Variants in EDIL3 observed in about 807,000 individuals in gnomAD.
EDIL3 encodes the protein EGF-like repeat and discoidin I-like domain-containing protein 3.
A neutral mutation model predicts 67.4 loss-of-function variants in EDIL3; 37 were observed. That is an observed-to-expected ratio of 0.55 (90% CI 0.42 to 0.72). The LOEUF (loss-of-function observed/expected upper bound fraction) is 0.72, where lower values mean the gene tolerates loss of function less well. Among genes scored for constraint, EDIL3 ranks in the 30% least tolerant of loss-of-function variants. The pLI, the probability that EDIL3 is intolerant of heterozygous loss-of-function variation, is 0.00. For synonymous variants in EDIL3, 195 were observed against 196.3 expected (o/e 0.99, Z 0.05); for missense variants, 527 against 586.3 (o/e 0.90, Z 1.04).
intron 1 of EDIL3, among the ~76,000 whole-genome samples, chr5:84,306,824 G>C (rs1222322398): frequency 6.6e-6 from 1 of 152,174 alleles, no homozygotes. Context: ...GATTATGCTT[G>C]TGCACTGGCT....
At chr5:84,075,131 T>C (rs910959542) in intron 6 of EDIL3, among the ~76,000 whole-genome samples, 3 of 150,526 alleles carry the variant, frequency 2.0e-5, no homozygotes, top group Admixed American at 6.6e-5. Flanking sequence ...TTCTCACTCA[T>C]AGGTGGGAAT....
chr5:84,094,058 A>G (rs1747216967), intron 6 of EDIL3, among the ~76,000 whole-genome samples: 1 of 152,234 alleles, frequency 6.6e-6, no homozygotes, highest in Non-Finnish European at 1.5e-5. Context: ...TTTTAGAGAA[A>G]AAAGGCAAGC....
At chr5:83,965,101 A>T (rs1234387362) in intron 9 of EDIL3, among the ~76,000 whole-genome samples, 2 of 152,088 alleles carry the variant, frequency 1.3e-5, no homozygotes, top group Non-Finnish European at 2.9e-5. Context: ...GGTGCACCAT[A>T]GAGATTCTTA....
chr5:84,197,074 T>C (rs1413145179), intron 3 of EDIL3: 1 of 152,062 alleles, frequency 6.6e-6, no homozygotes, highest in African/African-American at 2.4e-5. Flanking sequence ...TATGGTCTTA[T>C]AACATCATTT....
chr5:84,219,078 G>A (rs1381833148), intron 3 of EDIL3, among the ~76,000 whole-genome samples: 1 of 152,178 alleles, frequency 6.6e-6, no homozygotes, highest in Non-Finnish European at 1.5e-5. Context: ...CTTCAGGTCT[G>A]ACCCAGTGCT....
At chr5:84,239,383 C>G (rs192196639) in intron 2 of EDIL3, among the ~76,000 whole-genome samples, 3 of 152,226 alleles carry the variant, frequency 2.0e-5, no homozygotes, top group Admixed American at 6.5e-5. Flanking sequence ...TTTATAACAA[C>G]CAGCAATCCA....
At chr5:83,994,563 A>T (rs1359271348) in intron 9 of EDIL3, among the ~76,000 whole-genome samples, 1 of 152,218 alleles carries the variant, frequency 6.6e-6, no homozygotes, top group Non-Finnish European at 1.5e-5. Flanking sequence ...TGAACAAGAG[A>T]AAGATCTGAA....
At chr5:84,370,527 C>T (rs1239961721) in intron 1 of EDIL3, among the ~76,000 whole-genome samples, 1 of 152,178 alleles carries the variant, frequency 6.6e-6, no homozygotes, top group Non-Finnish European at 1.5e-5. Context: ...TAATTAAAAA[C>T]ACCACTAAGT....
chr5:84,247,078 TTTC>T (rs1463879796), intron 2 of EDIL3, among the ~76,000 whole-genome samples: 1 of 152,062 alleles, frequency 6.6e-6, no homozygotes, highest in Non-Finnish European at 1.5e-5. Context: ...GACTGGAAAA[TTTC>T]TTAGCAATCA....
At chr5:84,101,804 T>C (rs1416768415) in intron 6 of EDIL3, among the ~76,000 whole-genome samples, 1 of 151,980 alleles carries the variant, frequency 6.6e-6, no homozygotes, top group African/African-American at 2.4e-5. Flanking sequence ...GAGGGACTCC[T>C]TCCTAACTCA....
chr5:84,362,186 T>G (rs766989414), intron 1 of EDIL3, among the ~76,000 whole-genome samples: 23 of 152,146 alleles, frequency 1.5e-4, no homozygotes, highest in Non-Finnish European at 2.6e-4. Context: ...TAACAGCATC[T>G]TTTGCTTTAT....
At chr5:84,187,074 G>A (rs1468118609) in intron 3 of EDIL3, among the ~76,000 whole-genome samples, 1 of 152,032 alleles carries the variant, frequency 6.6e-6, no homozygotes, top group Non-Finnish European at 1.5e-5. Context: ...AGAGGCTTTA[G>A]GGAGTTTTAA....
chr5:84,336,289 G>A (rs1447095833), intron 1 of EDIL3, among the ~76,000 whole-genome samples: 3 of 152,176 alleles, frequency 2.0e-5, no homozygotes, highest in Non-Finnish European at 2.9e-5. Flanking sequence ...AGGGTGGGTG[G>A]AAGGTGAGAC....
chr5:84,104,505 A>G (rs897386306), intron 6 of EDIL3, among the ~76,000 whole-genome samples: 5 of 152,102 alleles, frequency 3.3e-5, no homozygotes, highest in Admixed American at 1.3e-4. Flanking sequence ...AAATTTATTG[A>G]ATAACAATAA....
At chr5:84,141,960 T>TATCTATCTATCTA (rs1748206398) in intron 4 of EDIL3, among the ~76,000 whole-genome samples, 1 of 134,886 alleles carries the variant, frequency 7.4e-6, no homozygotes, top group Non-Finnish European at 1.6e-5. Flanking sequence ...TAGATCTATC[T>TATCTATCTATCTA]ATCTATCTAT....
chr5:83,945,743 T>C (rs2112111518), intron 10 of EDIL3, among the ~76,000 whole-genome samples: 1 of 152,044 alleles, frequency 6.6e-6, no homozygotes, highest in Non-Finnish European at 1.5e-5. Flanking sequence ...TATGTGAAAG[T>C]CATGGATATT....
At chr5:83,949,337 A>G (rs540121172) in intron 10 of EDIL3, among the ~76,000 whole-genome samples, 6 of 152,020 alleles carry the variant, frequency 3.9e-5, no homozygotes, top group African/African-American at 1.4e-4. Context: ...AAATGAAAAA[A>G]AATTCAACCA....
intron 1 of EDIL3, among the ~76,000 whole-genome samples, chr5:84,297,105 C>T (rs764553674): frequency 6.7e-6 from 1 of 148,316 alleles, no homozygotes; most frequent in Non-Finnish European, 1.5e-5. Context: ...TGGTGTGAAC[C>T]CAGGAGGCAA....
intron 2 of EDIL3, among the ~76,000 whole-genome samples, chr5:84,246,331 C>T (rs1170569817): frequency 4.6e-5 from 7 of 152,218 alleles, no homozygotes; most frequent in African/African-American, 1.7e-4. Context: ...TTGCCACTGC[C>T]ACTACGTAAT....
Sources: gnomAD v4.1 joint callset for allele counts (sites outside exome capture counted in the v4.1 genomes callset) on GRCh38, gnomAD v4.1.1 for gene constraint, MANE v1.5 for transcripts, NCBI Gene and HGNC (gene_info 2026-07-23, HGNC 2026-07-21) for gene names.